The following HOMER2 variants were observed in gnomAD, a reference collection of about 807,000 sequenced individuals.
HOMER2 encodes homer protein homolog 2.
Under a neutral mutation model 47.0 loss-of-function variants are expected in HOMER2, and 27 were observed. That is an observed-to-expected ratio of 0.57 (90% CI 0.42 to 0.79). HOMER2 has a LOEUF of 0.79. Among genes scored for constraint, HOMER2 ranks in the 30% least tolerant of loss-of-function variants. HOMER2 has a pLI of 0.00. For synonymous variants in HOMER2, 161 were observed against 163.8 expected, an observed-to-expected ratio of 0.98 and a Z score of 0.13; for missense variants, 443 against 435.0, an observed-to-expected ratio of 1.02 and a Z score of -0.16.
At chr15:82,894,377 CT>C (rs1487158785) in intron 1 of HOMER2, among the ~76,000 whole-genome samples, 1 of 152,102 alleles carries the variant, frequency 6.6e-6, no homozygotes, top group African/African-American at 2.4e-5. Context: ...CTCAAAAATC[CT>C]TTAAGTGTTC....
chr15:82,959,671 C>T (rs1341878147), intron 1 of HOMER2, among the ~76,000 whole-genome samples: 1 of 152,178 alleles, frequency 6.6e-6, no homozygotes, highest in African/African-American at 2.4e-5. Flanking sequence ...GAGTGGTGCC[C>T]AGGCATCGGC....
At chr15:82,882,525 G>A (rs1174425479) in intron 2 of HOMER2, among the ~76,000 whole-genome samples, 1 of 152,244 alleles carries the variant, frequency 6.6e-6, no homozygotes, top group East Asian at 1.9e-4. Flanking sequence ...CATGTCTTTA[G>A]ACAACAGCTG....
intron 2 of HOMER2, 49 bp downstream of exon 2, chr15:82,892,632 TTGGA>T (rs1246687362): frequency 3.6e-5 from 51 of 1,397,392 alleles, no homozygotes; most frequent in Middle Eastern, 1.9e-4. Flanking sequence ...TGGGTGCATC[TTGGA>T]TGAAAGATAA....
chr15:82,930,091 A>G (rs908293998), intron 1 of HOMER2, among the ~76,000 whole-genome samples: 2 of 152,174 alleles, frequency 1.3e-5, no homozygotes, highest in African/African-American at 2.4e-5. Context: ...GTACTCTTGA[A>G]ATAAAGGCTG....
intron 4 of HOMER2, 174 bp from the exon 5 acceptor site, chr15:82,859,309 T>TC: frequency 1.2e-6 from 1 of 862,052 alleles, no homozygotes; most frequent in Non-Finnish European, 1.8e-6. Context: ...TTTTTGTTTT[T>TC]TTTTTAAACA....
At chr15:82,835,050 C>T (rs17292592), downstream of HOMER2, 4,181 of 152,284 alleles carry the variant, frequency 0.027, 80 homozygotes, top group Middle Eastern at 0.068. Context: ...TCCTGGGTCT[C>T]CACAGAACAA....
intron 1 of HOMER2, among the ~76,000 whole-genome samples, chr15:82,906,033 G>A (rs1180501839): frequency 6.6e-6 from 1 of 152,106 alleles, no homozygotes; most frequent in African/African-American, 2.4e-5. Context: ...ATAAGCTATG[G>A]GATGGAGGAG....
chr15:82,850,068 A>C (rs1373300294), intron 8 of HOMER2, among the ~76,000 whole-genome samples, 165 bp from the exon 9 acceptor site: 4 of 152,228 alleles, frequency 2.6e-5, no homozygotes, highest in Non-Finnish European at 1.5e-5. Flanking sequence ...TGTGACCAAG[A>C]CATCAGAAGG....
chr15:82,933,139 A>C (rs1226233024), intron 1 of HOMER2, among the ~76,000 whole-genome samples: 4 of 152,106 alleles, frequency 2.6e-5, no homozygotes, highest in East Asian at 3.9e-4. Flanking sequence ...AAAAAAAAAA[A>C]AACTATGGAC....
intron 2 of HOMER2, among the ~76,000 whole-genome samples, chr15:82,882,022 A>G (rs1262128109): frequency 6.6e-6 from 1 of 152,208 alleles, no homozygotes; most frequent in Non-Finnish European, 1.5e-5. Flanking sequence ...TGATGGCTCA[A>G]TTAACCAATG....
chr15:82,953,725 C>A (rs11634603), upstream of HOMER2, among the ~76,000 whole-genome samples: 959 of 151,844 alleles, frequency 6.3e-3, 10 homozygotes, highest in Admixed American at 0.014. Flanking sequence ...TACACACACA[C>A]AAAAAAAATT....
At chr15:82,869,351 C>A (rs2052099572) in intron 3 of HOMER2, among the ~76,000 whole-genome samples, 1 of 147,536 alleles carries the variant, frequency 6.8e-6, no homozygotes, top group African/African-American at 2.5e-5. Flanking sequence ...ACCTACATTT[C>A]TTTTAAAATA....
In HOMER2 at chr15:82,897,277, G is replaced by T. The variant is rs191451446; in HGVS notation, c.6-4436C>A. 2.2e-3 allele frequency among the ~76,000 whole-genome samples: 341 copies of T among 152,042 alleles called. 2 individuals are homozygous for T. Among genetic ancestry groups the T allele is most frequent in the South Asian group, 6.4e-3 (31 of 4,816 alleles). ...GACGGGGTTTCACCATCTTGGCCAG[G>T]CTGGTCTTGAACTCCTGACCTCATG... is the stretch of plus-strand genomic sequence containing the variant. On this transcript the variant is annotated intron_variant, in intron 1 of 8. Transcript: ENST00000450735.
At chr15:82,854,608 G>A in intron 6 of HOMER2, 36 bp downstream of exon 6, 1 of 1,588,668 alleles carries the variant, frequency 6.3e-7, no homozygotes, top group Non-Finnish European at 8.6e-7. Context: ...GCCCACACCA[G>A]CTGGCCTCGG....
chr15:82,973,281 A>G (rs1409749524), intron 1 of HOMER2, among the ~76,000 whole-genome samples: 1 of 152,290 alleles, frequency 6.6e-6, no homozygotes, highest in East Asian at 1.9e-4. Context: ...TAGGTTCCTG[A>G]GTTATCCCTT....
chr15:82,943,228 C>T (rs1336614232), intron 1 of HOMER2, among the ~76,000 whole-genome samples: 1 of 152,170 alleles, frequency 6.6e-6, no homozygotes, highest in Admixed American at 6.5e-5. Context: ...GACAGTAAAG[C>T]TTAGAGAGAG....
chr15:82,925,539 C>G (rs1451626997), intron 1 of HOMER2, among the ~76,000 whole-genome samples: 1 of 152,166 alleles, frequency 6.6e-6, no homozygotes, highest in African/African-American at 2.4e-5. Flanking sequence ...TTGGGAAATC[C>G]TCTTTCTCTC....
intron 2 of HOMER2, among the ~76,000 whole-genome samples, chr15:82,892,079 A>G (rs1039818548): frequency 6.6e-6 from 1 of 152,102 alleles, no homozygotes; most frequent in African/African-American, 2.4e-5. Flanking sequence ...GGGAGACAGA[A>G]TAACAAAAAT....
At chr15:82,880,262 TAAA>T (rs2052478629) in intron 2 of HOMER2, among the ~76,000 whole-genome samples, 1 of 152,194 alleles carries the variant, frequency 6.6e-6, no homozygotes, top group Non-Finnish European at 1.5e-5. Flanking sequence ...ACAACCTGAA[TAAA>T]AAACTTTTTT....
Sources: gnomAD v4.1 joint callset for allele counts (sites outside exome capture counted in the v4.1 genomes callset) on GRCh38, gnomAD v4.1.1 for gene constraint, MANE v1.5 for transcripts, NCBI Gene and HGNC (gene_info 2026-07-23, HGNC 2026-07-21) for gene names.